Variants in PAPPA2 observed in about 807,000 individuals in gnomAD.
PAPPA2 encodes pappalysin-2.
Under a neutral mutation model 176.4 loss-of-function variants are expected in PAPPA2, and 86 were observed. That is an observed-to-expected ratio of 0.49 (90% confidence interval 0.41 to 0.58). The LOEUF (loss-of-function observed/expected upper bound fraction) is 0.58, where lower values mean the gene tolerates loss of function less well. PAPPA2 is among the 20% of genes least tolerant of loss of function. PAPPA2 has a pLI of 0.00. For synonymous variants in PAPPA2, 809 were observed against 852.2 expected, an observed-to-expected ratio of 0.95 and a Z score of 0.88; for missense variants, 2,073 against 2,256.9, an observed-to-expected ratio of 0.92 and a Z score of 1.65.
chr1:176,820,384 G>A (rs1666609537), intron 21 of PAPPA2, among the ~76,000 whole-genome samples: 1 of 152,142 alleles, frequency 6.6e-6, no homozygotes, highest in Non-Finnish European at 1.5e-5. Context: ...ATTCTAGCCT[G>A]CAACATACTT....
chr1:176,674,435 CA>C (rs1458475552), intron 4 of PAPPA2, among the ~76,000 whole-genome samples: 1 of 151,988 alleles, frequency 6.6e-6, no homozygotes, highest in Non-Finnish European at 1.5e-5. Context: ...CCTGAGTCCC[CA>C]AAGTTCTATT....
At chr1:176,809,557 T>C (rs1247069907) in intron 21 of PAPPA2, among the ~76,000 whole-genome samples, 1 of 152,188 alleles carries the variant, frequency 6.6e-6, no homozygotes, top group Non-Finnish European at 1.5e-5. Flanking sequence ...ACGTGCTTAT[T>C]GATCACTCAT....
intron 21 of PAPPA2, among the ~76,000 whole-genome samples, chr1:176,835,974 C>G (rs1667258234): frequency 6.6e-6 from 1 of 151,986 alleles, no homozygotes; most frequent in Non-Finnish European, 1.5e-5. Context: ...ATATGAAGCC[C>G]AGGATATGTG....
At chr1:176,621,064 A>G (rs1255411576) in intron 3 of PAPPA2, among the ~76,000 whole-genome samples, 1 of 152,162 alleles carries the variant, frequency 6.6e-6, no homozygotes, top group Non-Finnish European at 1.5e-5. Context: ...AGAAGACAGC[A>G]GGAATAGAAA....
chr1:176,497,261 A>T (rs1033698032), intron 1 of PAPPA2, among the ~76,000 whole-genome samples: 16 of 152,132 alleles, frequency 1.1e-4, no homozygotes, highest in African/African-American at 3.9e-4. Context: ...GTAGACCTTC[A>T]TTTTGGGCTT....
chr1:176,614,260 C>A lies in PAPPA2; in HGVS notation c.1991+18665C>A, dbSNP rs141446322. ...TTGTTTCTTAATTTACCAGCCTTTA[C>A]TAAGTGTCAAATGGAGATCAGATTG... On this transcript the variant is annotated intron_variant, in intron 3 of 22. Transcript: ENST00000367662. Among the ~76,000 whole-genome samples, 474 of 152,298 alleles carry A rather than the reference C, an allele frequency of 3.1e-3. 3 individuals carry two copies. The highest frequency in any genetic ancestry group is 5.4e-3 in the Non-Finnish European group (366 of 68,018).
chr1:176,813,378 A>G (rs188751595), intron 21 of PAPPA2, among the ~76,000 whole-genome samples: 77 of 152,338 alleles, frequency 5.1e-4, no homozygotes, highest in African/African-American at 1.8e-3. Flanking sequence ...GTCTTCTACA[A>G]TGGCTAAACT....
At chr1:176,832,999 A>G (rs1667134755) in intron 21 of PAPPA2, among the ~76,000 whole-genome samples, 1 of 152,166 alleles carries the variant, frequency 6.6e-6, no homozygotes, top group South Asian at 2.1e-4. Flanking sequence ...TTGAGGTCCT[A>G]CACAGAAGAT....
chr1:176,544,142 A>G (rs1650502020), intron 1 of PAPPA2, among the ~76,000 whole-genome samples: 1 of 152,218 alleles, frequency 6.6e-6, no homozygotes. Flanking sequence ...AGCCTAGGGA[A>G]GACCTCAATC....
intron 12 of PAPPA2, 74 bp downstream of exon 12, chr1:176,712,055 G>A (rs921797209): frequency 1.2e-5 from 17 of 1,427,706 alleles, no homozygotes; most frequent in Middle Eastern, 1.9e-4. Flanking sequence ...GTGTGTGTGT[G>A]TGTAAATGGT....
Position 176,722,472 on chromosome 1 carries a change from A to G in PAPPA2, c.3798+10491A>G, listed in dbSNP as rs1178697535. On this transcript the variant is annotated intron_variant, in intron 12 of 22. Transcript: ENST00000367662. ...TCTTTCTTCTAAGGCCTGGCTCTTC[A>G]GGGGTCTCAACTAAAAGCTTGGATT... 1.6e-4 allele frequency among the ~76,000 whole-genome samples: 22 copies of G among 140,152 alleles called. 1 individual carries two copies. In the Admixed American group the frequency reaches 1.7e-3, roughly 11 times the overall value. The allele number at this position is 140,152 out of a possible 152,430, so 91.9% of individuals were successfully genotyped here.
At chr1:176,664,370 T>G (rs1331499900) in intron 3 of PAPPA2, among the ~76,000 whole-genome samples, 1 of 152,202 alleles carries the variant, frequency 6.6e-6, no homozygotes, top group Non-Finnish European at 1.5e-5. Flanking sequence ...TTTGGGCCCC[T>G]TCCTCCTTCT....
chr1:176,511,496 C>T (rs944492774), intron 1 of PAPPA2, among the ~76,000 whole-genome samples: 2 of 152,102 alleles, frequency 1.3e-5, no homozygotes, highest in African/African-American at 2.4e-5. Context: ...AACTTCTGTT[C>T]GACACTCGTT....
intron 2 of PAPPA2, among the ~76,000 whole-genome samples, chr1:176,575,532 C>T (rs992847000): frequency 7.9e-5 from 12 of 152,082 alleles, no homozygotes; most frequent in African/African-American, 2.7e-4. Flanking sequence ...GTTTTCATGC[C>T]AGTGCCCTGC....
intron 4 of PAPPA2, among the ~76,000 whole-genome samples, chr1:176,686,304 G>T (rs560642885): frequency 5.5e-4 from 84 of 152,244 alleles, no homozygotes; most frequent in Admixed American, 2.3e-3. Flanking sequence ...TCACAGTGGG[G>T]CAGGAAAGAA....
chr1:176,807,899 TGAAA>T (rs1665976438), intron 21 of PAPPA2, among the ~76,000 whole-genome samples: 2 of 152,198 alleles, frequency 1.3e-5, no homozygotes, highest in Admixed American at 6.5e-5. Flanking sequence ...CCGTGTTCTG[TGAAA>T]GAATCAATGA....
intron 3 of PAPPA2, among the ~76,000 whole-genome samples, chr1:176,638,818 A>C (rs1180541045): frequency 6.6e-6 from 1 of 151,996 alleles, no homozygotes; most frequent in Non-Finnish European, 1.5e-5. Flanking sequence ...CTGGCAATGA[A>C]ACCTTTTTAG....
chr1:176,602,195 G>A (rs1654364079), intron 3 of PAPPA2, among the ~76,000 whole-genome samples: 1 of 152,186 alleles, frequency 6.6e-6, no homozygotes, highest in Admixed American at 6.5e-5. Flanking sequence ...ACATCTCTAT[G>A]TGTTGGCAAC....
intron 1 of PAPPA2, among the ~76,000 whole-genome samples, chr1:176,508,451 C>T (rs1357836626): frequency 6.6e-6 from 1 of 151,694 alleles, no homozygotes; most frequent in Non-Finnish European, 1.5e-5. Context: ...AATTCTAATT[C>T]TGAAAAATAA....
Sources: gnomAD v4.1 joint callset for allele counts (sites outside exome capture counted in the v4.1 genomes callset) on GRCh38, gnomAD v4.1.1 for gene constraint, MANE v1.5 for transcripts, NCBI Gene and HGNC (gene_info 2026-07-23, HGNC 2026-07-21) for gene names.